Variants in PHC3 observed in about 807,000 individuals in gnomAD.
PHC3 encodes polyhomeotic homolog 3, also known as polyhomeotic-like protein 3.
A neutral mutation model predicts 107.4 loss-of-function variants in PHC3; 13 were observed. The ratio of observed to expected loss-of-function variants is 0.12; its 90% CI spans 0.08 to 0.19. The LOEUF (loss-of-function observed/expected upper bound fraction) is 0.19, where lower values mean the gene tolerates loss of function less well. Ranked by LOEUF, PHC3 falls within the 10% of genes least tolerant of loss-of-function variation. PHC3 has a pLI of 1.00. For missense variants in PHC3, 992 were observed against 1,210.9 expected (o/e 0.82, Z 2.68); for synonymous variants, 456 against 427.4 (o/e 1.07, Z -0.83).
Position 170,128,995 on chromosome 3 carries a change from T to C in PHC3, c.1477A>G (p.Ile493Val). The C allele has an allele frequency of 1.9e-6, 3 of 1,613,824 alleles. No homozygotes were observed. Among genetic ancestry groups the C allele is most frequent in the Non-Finnish European group, 2.5e-6 (3 of 1,179,820 alleles). Residue 493 changes from isoleucine (I) to valine (V), a missense_variant, in exon 8 of 15, where the codon ATT becomes GTT. By Grantham distance (29) the Ile-to-Val change is conservative. Coordinates refer to ENST00000495893, the MANE Select transcript of PHC3 (RefSeq NM_024947.4). ...QSALVSPGQQ[I>V]VSPSHQQYSS... is the part of the protein sequence containing the mutation. ...TATTGCTGGTGTGATGGAGAGACAA[T>C]CTGCTGGCCTGGGGATACCAAGGCA...
chr3:170,178,382 C>A (rs1010913834), intron 2 of PHC3, among the ~76,000 whole-genome samples: 1 of 150,668 alleles, frequency 6.6e-6, no homozygotes, highest in African/African-American at 2.4e-5. Flanking sequence ...CCGCCCGCCT[C>A]GGCCTCCCAA....
intron 4 of PHC3, among the ~76,000 whole-genome samples, chr3:170,168,188 A>C (rs1729026247): frequency 6.6e-6 from 1 of 151,812 alleles, no homozygotes; most frequent in African/African-American, 2.4e-5. Flanking sequence ...GGCAAAGTCA[A>C]AGGGAAAGGG....
intron 4 of PHC3, among the ~76,000 whole-genome samples, chr3:170,159,754 G>A (rs570725494): frequency 3.3e-5 from 5 of 152,036 alleles, no homozygotes; most frequent in African/African-American, 1.2e-4. Context: ...AAGCAAACAG[G>A]CATATCTCAA....
intron 4 of PHC3, among the ~76,000 whole-genome samples, chr3:170,167,663 G>A (rs1485595569): frequency 1.3e-5 from 2 of 151,766 alleles, no homozygotes; most frequent in Non-Finnish European, 2.9e-5. Context: ...GGGAGGCTGA[G>A]GCAGGAGAAT....
At chr3:170,104,623 TTTGCTA>T (rs1430659259) in intron 12 of PHC3, among the ~76,000 whole-genome samples, 4 of 152,132 alleles carry the variant, frequency 2.6e-5, no homozygotes, top group African/African-American at 7.2e-5. Context: ...CCCAATTAAC[TTTGCTA>T]TTGCTAACTA....
intron 3 of PHC3, 27 bp downstream of exon 3, chr3:170,172,530 T>C (rs1299242380): frequency 6.3e-7 from 1 of 1,598,958 alleles, no homozygotes; most frequent in East Asian, 2.2e-5. Flanking sequence ...GAAACTTTGA[T>C]CTCATAAACT....
intron 10 of PHC3, 45 bp from the exon 11 acceptor site, chr3:170,113,564 A>G (rs1033661817): frequency 6.5e-7 from 1 of 1,540,988 alleles, no homozygotes; most frequent in African/African-American, 1.4e-5. Flanking sequence ...CTCCAAAAAG[A>G]CATTCAGAAA....
chr3:170,107,628 C>CT (rs1576982486), intron 11 of PHC3, among the ~76,000 whole-genome samples: 2 of 152,096 alleles, frequency 1.3e-5, no homozygotes, highest in African/African-American at 4.8e-5. Context: ...ATGCATATAT[C>CT]TAATTATAAA....
chr3:170,135,523 TCAAA>T (rs1303567408), intron 7 of PHC3, among the ~76,000 whole-genome samples: 2 of 150,796 alleles, frequency 1.3e-5, no homozygotes, highest in South Asian at 2.1e-4. Context: ...ACACACACAC[TCAAA>T]CAATATATAG....
At position 170,103,081 on chromosome 3, in the gene PHC3, G is replaced by A. The variant is rs145247738; in HGVS notation, c.2469-147C>T. 1.2e-3 allele frequency: 1,019 copies of A among 837,042 alleles called. 20 individuals carry two copies. In the Admixed American group the frequency reaches 0.024, roughly 20 times the overall value. The allele number at this position is 837,042 out of a possible 1,614,324, so 51.9% of individuals were successfully genotyped here. ...TAAGACCTCATAAAGTAACTACACT[G>A]TTCAATGGATTTACTTATGCTAAAG... On this transcript the variant is annotated intron_variant, in intron 12 of 14. Transcript: ENST00000495893.
intron 4 of PHC3, among the ~76,000 whole-genome samples, chr3:170,169,440 T>G (rs928360147): frequency 6.6e-6 from 1 of 152,222 alleles, no homozygotes; most frequent in Admixed American, 6.5e-5. Flanking sequence ...CTAAGTTACC[T>G]TGGGCATTGT....
At chr3:170,159,731 A>C (rs552386361) in intron 4 of PHC3, among the ~76,000 whole-genome samples, 1 of 152,338 alleles carries the variant, frequency 6.6e-6, no homozygotes, top group African/African-American at 2.4e-5. Flanking sequence ...TGAAACTACA[A>C]AATAAAAAAC....
At position 170,097,467 on chromosome 3, in the gene PHC3, A is replaced by C; in HGVS notation, c.2834-83T>G. On this transcript the variant is annotated intron_variant, in intron 14 of 14. Coordinates refer to ENST00000495893, the MANE Select transcript of PHC3 (RefSeq NM_024947.4). This position sits in a 1 kb window ranked among gnomAD's most constrained non-coding sequence, Gnocchi z 4.1. ...TCCTAACAGTCACAGTTATGCTCTC[A>C]CTGGGTCTGAGAATCTGAAATACAG... The C allele has an allele frequency of 9.6e-5, 127 of 1,327,158 alleles. No individual in the cohort carries two copies. The highest frequency in any genetic ancestry group is 1.2e-4 in the Non-Finnish European group (117 of 991,970). The allele number at this position is 1,327,158 out of a possible 1,614,324, so 82.2% of individuals were successfully genotyped here. A position where few individuals can be genotyped will look rare whatever the true frequency, so the allele number is the denominator to read the frequency against.
intron 4 of PHC3, among the ~76,000 whole-genome samples, 172 bp from the exon 5 acceptor site, chr3:170,149,416 C>A (rs1256414479): frequency 6.6e-6 from 1 of 152,016 alleles, no homozygotes; most frequent in Admixed American, 6.6e-5. Context: ...GTTATTTGCA[C>A]ATATGCAAAC....
intron 2 of PHC3, chr3:170,177,075 A>G (rs1730596490): frequency 3.0e-6 from 1 of 328,498 alleles, no homozygotes; most frequent in African/African-American, 2.1e-5. Flanking sequence ...TTCCTAGTTC[A>G]ATATTCCCTT....
chr3:170,136,425 C>A lies in PHC3; in HGVS notation c.913G>T (p.Ala305Ser). The A allele has an allele frequency of 1.2e-6, 2 of 1,610,334 alleles. No homozygotes were observed. The highest frequency in any genetic ancestry group is 3.4e-5 in the Admixed American group (2 of 59,260). Reference protein sequence around the residue: ...TRTSSIHQLIAPASYSPIQPH... With the variant: ...TRTSSIHQLISPASYSPIQPH... ...AACAAAAGTTTTATCCCACCTGGTG[C>A]TATTAACTGGTGAATACTTGATGTC... The change falls in exon 7 of 15, where the codon GCA becomes TCA. Residue 305 changes from alanine (A) to serine (S), a missense_variant. Ala to Ser is a moderately conservative substitution (Grantham distance 99). Around this residue, in one of 6 missense-constraint regions of PHC3, gnomAD observed 543 missense variants for 590.8 expected, o/e 0.92. Coordinates refer to ENST00000495893, the MANE Select transcript of PHC3 (RefSeq NM_024947.4).
At chr3:170,126,569 T>C (rs1160801451) in intron 8 of PHC3, among the ~76,000 whole-genome samples, 1 of 143,656 alleles carries the variant, frequency 7.0e-6, no homozygotes, top group East Asian at 2.0e-4. Context: ...TGAGACAGAG[T>C]CTCACTCTGT....
chr3:170,163,166 A>G (rs1209214145), intron 4 of PHC3, among the ~76,000 whole-genome samples: 1 of 152,134 alleles, frequency 6.6e-6, no homozygotes, highest in Admixed American at 6.6e-5. Flanking sequence ...TAAATATTTG[A>G]TGACTGAATG....
At chr3:170,137,187 TC>T (rs1412742964) in intron 6 of PHC3, among the ~76,000 whole-genome samples, 1 of 152,214 alleles carries the variant, frequency 6.6e-6, no homozygotes, top group Non-Finnish European at 1.5e-5. Flanking sequence ...AAAAGCATTT[TC>T]AAGCAACTCT....
Sources: allele counts gnomAD v4.1 joint callset (sites outside exome capture counted in the v4.1 genomes callset), GRCh38; gene constraint gnomAD v4.1.1; regional missense constraint gnomAD v4.1.1; non-coding constraint Gnocchi (gnomAD v3.1); transcripts MANE v1.5; gene names NCBI Gene and HGNC (gene_info 2026-07-23, HGNC 2026-07-21).